Variants in RARS2 observed in about 807,000 individuals in gnomAD.
The protein encoded by RARS2 is arginyl-tRNA synthetase 2, mitochondrial.
In RARS2, 67 loss-of-function variants were observed where a neutral mutation model predicts 88.5. That is an observed-to-expected ratio of 0.76 (90% CI 0.62 to 0.93). RARS2 has a LOEUF of 0.93. Among genes scored for constraint, RARS2 ranks in the 40% least tolerant of loss-of-function variants. RARS2 has a pLI of 0.00. For synonymous variants in RARS2, 239 were observed against 230.3 expected (o/e 1.04, Z -0.34); for missense variants, 664 against 684.2 (o/e 0.97, Z 0.33).
At position 87,545,605 on chromosome 6, in the gene RARS2, A is replaced by G; in HGVS notation, c.535+11T>C. Reference sequence around the variant, plus strand: ...CAATGAAATGAAAAATAAAATCTCAAGTGTACTTACCAAACTGCATGCCCC... The same window carrying G: ...CAATGAAATGAAAAATAAAATCTCAGGTGTACTTACCAAACTGCATGCCCC... On this transcript the variant is annotated intron_variant, in intron 7 of 19. Coordinates refer to ENST00000369536, the MANE Select transcript of RARS2 (RefSeq NM_020320.5). 1 of 1,613,680 alleles carries G rather than the reference A, an allele frequency of 6.2e-7. No homozygotes were observed. The highest frequency in any genetic ancestry group is 1.3e-5 in the African/African-American group (1 of 75,050).
At chr6:87,530,968 G>T (rs1284192135) in intron 8 of RARS2, 26 bp from the exon 9 acceptor site, 2 of 1,613,076 alleles carry the variant, frequency 1.2e-6, no homozygotes, top group African/African-American at 2.7e-5. Flanking sequence ...TACATTAAAT[G>T]AAGTACATAA....
At chr6:87,579,456 T>C (rs1226249804) in intron 1 of RARS2, among the ~76,000 whole-genome samples, 1 of 152,112 alleles carries the variant, frequency 6.6e-6, no homozygotes, top group Non-Finnish European at 1.5e-5. Flanking sequence ...TTTTTATAAC[T>C]TCTAGGCCGA....
At chr6:87,577,396 T>C (rs6940150) in intron 1 of RARS2, among the ~76,000 whole-genome samples, 92,453 of 151,830 alleles carry the variant, frequency 0.61, 28,958 homozygotes, top group African/African-American at 0.75. Flanking sequence ...ATATCTCACC[T>C]TTGTTGTCCA....
At chr6:87,575,509 C>T (rs942995692) in intron 1 of RARS2, among the ~76,000 whole-genome samples, 4 of 152,156 alleles carry the variant, frequency 2.6e-5, no homozygotes, top group Non-Finnish European at 4.4e-5. Context: ...AATTCCACCA[C>T]ACTGGAGCTA....
chr6:87,576,524 C>T (rs560196897), intron 1 of RARS2, among the ~76,000 whole-genome samples: 2 of 147,622 alleles, frequency 1.4e-5, no homozygotes, highest in African/African-American at 5.0e-5. Flanking sequence ...GATCCGCCCG[C>T]CTCGGCCTCC....
At chr6:87,530,661 A>C in intron 9 of RARS2, 123 bp downstream of exon 9, 1 of 1,327,392 alleles carries the variant, frequency 7.5e-7, no homozygotes, top group Non-Finnish European at 1.1e-6. Context: ...TTTGAGTCTT[A>C]ATTTTAAATT....
intron 8 of RARS2, among the ~76,000 whole-genome samples, chr6:87,537,057 T>C (rs1779398992): frequency 6.6e-6 from 1 of 152,226 alleles, no homozygotes; most frequent in African/African-American, 2.4e-5. Context: ...TATCATACAA[T>C]ATCATTTCCA....
At chr6:87,564,302 C>T in intron 2 of RARS2, 70 bp from the exon 3 acceptor site, 1 of 1,083,350 alleles carries the variant, frequency 9.2e-7, no homozygotes, top group Admixed American at 1.8e-5. Flanking sequence ...AAAGACTAAT[C>T]ACTATGAGTT....
At chr6:87,558,658 T>C (rs1786789221) in intron 4 of RARS2, among the ~76,000 whole-genome samples, 1 of 152,208 alleles carries the variant, frequency 6.6e-6, no homozygotes, top group African/African-American at 2.4e-5. Context: ...CCTAGTGCAA[T>C]GCATTACTCA....
intron 1 of RARS2, among the ~76,000 whole-genome samples, chr6:87,577,855 C>T (rs1316208181): frequency 6.6e-6 from 1 of 152,150 alleles, no homozygotes; most frequent in Admixed American, 6.5e-5. Context: ...AAAAACACTA[C>T]GAATTGTAAT....
At chr6:87,528,309 T>C (rs975034626) in intron 10 of RARS2, among the ~76,000 whole-genome samples, 12 of 150,430 alleles carry the variant, frequency 8.0e-5, no homozygotes, top group Admixed American at 5.3e-4. Flanking sequence ...TGTACACTGT[T>C]GGTGGGAATG....
At chr6:87,564,018 G>A in intron 3 of RARS2, 112 bp downstream of exon 3, 2 of 779,528 alleles carry the variant, frequency 2.6e-6, no homozygotes, top group South Asian at 2.9e-5. Context: ...TACACAAGAT[G>A]CCTCAAAGAA....
intron 15 of RARS2, 28 bp from the exon 16 acceptor site, chr6:87,518,767 C>T (rs1772700883): frequency 6.2e-6 from 10 of 1,611,512 alleles, no homozygotes; most frequent in African/African-American, 1.3e-5. Context: ...ATCTTCACTG[C>T]TGGGATTTGC....
At chr6:87,546,208 G>T (rs1193696777) in intron 6 of RARS2, among the ~76,000 whole-genome samples, 1 of 152,162 alleles carries the variant, frequency 6.6e-6, no homozygotes, top group East Asian at 1.9e-4. Flanking sequence ...TACTGCTGAT[G>T]CTGGTTTCAC....
At chr6:87,569,942 C>T (rs1392432745) in intron 1 of RARS2, among the ~76,000 whole-genome samples, 1 of 148,742 alleles carries the variant, frequency 6.7e-6, no homozygotes, top group African/African-American at 2.5e-5. Context: ...ACTGAGAATC[C>T]ACAGATAATT....
intron 1 of RARS2, among the ~76,000 whole-genome samples, chr6:87,572,040 T>A (rs1384034041): frequency 6.6e-6 from 1 of 151,690 alleles, no homozygotes; most frequent in Non-Finnish European, 1.5e-5. Context: ...ATGTTTATAG[T>A]ACGAAATGTT....
intron 18 of RARS2, 114 bp downstream of exon 18, chr6:87,516,692 G>A (rs1562047096): frequency 2.8e-6 from 4 of 1,433,414 alleles, no homozygotes; most frequent in South Asian, 1.2e-5. Context: ...AATAATTCCT[G>A]TAACTAAAAG....
chr6:87,554,843 G>A (rs1263955088), intron 5 of RARS2, among the ~76,000 whole-genome samples: 1 of 152,132 alleles, frequency 6.6e-6, no homozygotes, highest in East Asian at 1.9e-4. Flanking sequence ...GCTCACGCCT[G>A]TAATCCCAGC....
At chr6:87,549,753 T>C (rs1783778377) in intron 5 of RARS2, among the ~76,000 whole-genome samples, 1 of 152,160 alleles carries the variant, frequency 6.6e-6, no homozygotes, top group African/African-American at 2.4e-5. Context: ...TTCATGGGCA[T>C]TAACTCATTT....
Sources: allele counts gnomAD v4.1 joint callset (sites outside exome capture counted in the v4.1 genomes callset), GRCh38; gene constraint gnomAD v4.1.1; transcripts MANE v1.5; gene names NCBI Gene and HGNC (gene_info 2026-07-23, HGNC 2026-07-21).